The following ZNF438 variants were observed in gnomAD, a reference collection of about 807,000 sequenced individuals.
The protein encoded by ZNF438 is zinc finger protein 438.
ZNF438 carries 25 observed loss-of-function variants against 38.0 expected under a neutral mutation model. The observed-to-expected ratio is 0.66, with a 90% CI of 0.48 to 0.92. The LOEUF (loss-of-function observed/expected upper bound fraction) is 0.92. Among genes scored for constraint, ZNF438 ranks in the 40% least tolerant of loss-of-function variants. ZNF438 has a pLI of 0.00. For synonymous variants in ZNF438, 372 were observed against 364.1 expected (o/e 1.02, Z -0.25); for missense variants, 1,007 against 999.6 (o/e 1.01, Z -0.10).
intron 1 of ZNF438, among the ~76,000 whole-genome samples, chr10:30,970,946 A>G (rs951818759): frequency 1.3e-5 from 2 of 152,166 alleles, no homozygotes; most frequent in Non-Finnish European, 1.5e-5. Flanking sequence ...AATCATCCTC[A>G]TATCTCCAGC....
chr10:30,847,909 C>T (rs911792984), intron 5 of ZNF438, among the ~76,000 whole-genome samples: 5 of 152,188 alleles, frequency 3.3e-5, no homozygotes, highest in Non-Finnish European at 5.9e-5. Flanking sequence ...GGATCTAGGC[C>T]GGTAGCATGA....
intron 4 of ZNF438, among the ~76,000 whole-genome samples, chr10:30,876,301 T>TTC (rs2038405575): frequency 6.6e-6 from 1 of 152,320 alleles, no homozygotes; most frequent in African/African-American, 2.4e-5. Context: ...ATGTCAGAAC[T>TTC]TCTCTTCTGT....
At chr10:30,926,393 C>T (rs1321577675) in intron 2 of ZNF438, among the ~76,000 whole-genome samples, 9 of 152,130 alleles carry the variant, frequency 5.9e-5, no homozygotes, top group Admixed American at 2.6e-4. Flanking sequence ...TACGGCTAGG[C>T]GCAGTCGCTC....
chr10:30,872,746 T>C (rs1213146423), intron 4 of ZNF438, among the ~76,000 whole-genome samples: 9 of 47,632 alleles, frequency 1.9e-4, no homozygotes. Flanking sequence ...TGAGACTCTG[T>C]CTCAAAAAAA....
chr10:30,897,739 C>T (rs1279285849), intron 3 of ZNF438, among the ~76,000 whole-genome samples: 1 of 152,192 alleles, frequency 6.6e-6, no homozygotes, highest in Non-Finnish European at 1.5e-5. Context: ...AGACCTGGGT[C>T]TGTACTCACA....
At chr10:30,986,120 C>G (rs2052755272) in intron 1 of ZNF438, among the ~76,000 whole-genome samples, 1 of 152,156 alleles carries the variant, frequency 6.6e-6, no homozygotes, top group Admixed American at 6.5e-5. Context: ...GCTATAGATT[C>G]ATATCAGTAC....
intron 4 of ZNF438, among the ~76,000 whole-genome samples, chr10:30,866,791 G>A (rs948651495): frequency 4.0e-5 from 6 of 151,482 alleles, no homozygotes; most frequent in Non-Finnish European, 7.4e-5. Context: ...CCGAGATCGC[G>A]CCACTGCACT....
intron 2 of ZNF438, among the ~76,000 whole-genome samples, chr10:30,924,238 G>C (rs2044649512): frequency 6.6e-6 from 1 of 152,192 alleles, no homozygotes; most frequent in South Asian, 2.1e-4. Context: ...GCCAATGACT[G>C]AGACGATGAA....
intron 1 of ZNF438, among the ~76,000 whole-genome samples, chr10:31,019,481 A>C (rs549448708): frequency 1.1e-4 from 16 of 152,256 alleles, no homozygotes; most frequent in Admixed American, 3.9e-4. Context: ...AACTTTGATG[A>C]ATTGGACACC....
intron 1 of ZNF438, among the ~76,000 whole-genome samples, chr10:31,002,146 G>A (rs1435471379): frequency 6.6e-6 from 1 of 152,208 alleles, no homozygotes; most frequent in Non-Finnish European, 1.5e-5. Flanking sequence ...AGCCTCTCCA[G>A]AATTGTCAGT....
At chr10:30,944,504 G>A (rs569594332) in intron 1 of ZNF438, among the ~76,000 whole-genome samples, 1 of 152,238 alleles carries the variant, frequency 6.6e-6, no homozygotes, top group Non-Finnish European at 1.5e-5. Flanking sequence ...AAACTATATG[G>A]GGGTTGGGTT....
chr10:30,978,526 A>G (rs2136367540), intron 1 of ZNF438, among the ~76,000 whole-genome samples: 1 of 152,324 alleles, frequency 6.6e-6, no homozygotes, highest in South Asian at 2.1e-4. Flanking sequence ...GGTTTGGACA[A>G]ATTTATATCT....
At chr10:30,977,394 G>A (rs114247901) in intron 1 of ZNF438, among the ~76,000 whole-genome samples, 204 of 152,298 alleles carry the variant, frequency 1.3e-3, no homozygotes, top group African/African-American at 4.7e-3. Context: ...GGGAAGGTGT[G>A]TTTCACAAGA....
chr10:31,004,021 C>A (rs947026008), intron 1 of ZNF438, among the ~76,000 whole-genome samples: 2 of 152,182 alleles, frequency 1.3e-5, no homozygotes, highest in African/African-American at 4.8e-5. Flanking sequence ...TCCCCAGATC[C>A]TCAGAAGAGA....
At chr10:30,946,610 T>C (rs895550346) in intron 1 of ZNF438, among the ~76,000 whole-genome samples, 2 of 152,206 alleles carry the variant, frequency 1.3e-5, no homozygotes, top group Non-Finnish European at 2.9e-5. Flanking sequence ...TTTAACCACT[T>C]TGTATATATT....
intron 1 of ZNF438, among the ~76,000 whole-genome samples, chr10:31,024,262 G>C (rs1328037766): frequency 6.6e-6 from 1 of 152,194 alleles, no homozygotes; most frequent in East Asian, 1.9e-4. Flanking sequence ...TATAAAATGA[G>C]AGTAATAACT....
At chr10:30,905,806 C>T (rs1447074145) in intron 3 of ZNF438, among the ~76,000 whole-genome samples, 2 of 152,128 alleles carry the variant, frequency 1.3e-5, no homozygotes, top group Non-Finnish European at 2.9e-5. Context: ...ATCCACTTGT[C>T]CCAAGACTAC....
intron 2 of ZNF438, among the ~76,000 whole-genome samples, chr10:30,928,445 A>G (rs1239811535): frequency 2.6e-5 from 4 of 152,070 alleles, no homozygotes; most frequent in African/African-American, 9.7e-5. Flanking sequence ...TCTACATTGA[A>G]ACTTTGTTAT....
At chr10:30,899,706 A>C (rs2041768152) in intron 3 of ZNF438, among the ~76,000 whole-genome samples, 1 of 151,796 alleles carries the variant, frequency 6.6e-6, no homozygotes, top group African/African-American at 2.4e-5. Flanking sequence ...GACAACTCTT[A>C]GACTAATCCA....
Sources: gnomAD v4.1 joint callset for allele counts (sites outside exome capture counted in the v4.1 genomes callset) on GRCh38, gnomAD v4.1.1 for gene constraint, MANE v1.5 for transcripts, NCBI Gene and HGNC (gene_info 2026-07-23, HGNC 2026-07-21) for gene names.